Variants in MAGT1 observed in about 807,000 individuals in gnomAD.
MAGT1 encodes magnesium transporter 1.
MAGT1 carries 4 observed loss-of-function variants against 28.4 expected under a neutral mutation model. That is an observed-to-expected ratio of 0.14 (90% confidence interval 0.07 to 0.32). The LOEUF is 0.32. Ranked by LOEUF, MAGT1 falls within the 10% of genes least tolerant of loss-of-function variation. The probability of loss-of-function intolerance (pLI) is 1.00; values close to 1 mark genes in which losing one functional copy is unlikely to be tolerated. For synonymous variants in MAGT1, 89 were observed against 89.7 expected, an observed-to-expected ratio of 0.99 and a Z score of 0.04; for missense variants, 193 against 264.5, an observed-to-expected ratio of 0.73 and a Z score of 1.88.
rs1388331839 is a variant in MAGT1, at chrX:77,875,280, A to T, written c.272+148T>A. 5 of 525,639 alleles carry T rather than the reference A, an allele frequency of 9.5e-6. No homozygotes were observed. In the African/African-American group the frequency reaches 1.2e-4, roughly 12 times the overall value. 43.3% of individuals were successfully genotyped at this position (525,639 alleles called of 1,213,427 possible). A position where few individuals can be genotyped will look rare whatever the true frequency, so the allele number is the denominator to read the frequency against. On this transcript the variant is annotated intron_variant, in intron 2 of 9. Transcript: ENST00000618282. The stretch of plus-strand genomic sequence containing the variant: ...ACGGATAATCAAGAATTGACTATAA[A>T]AGAGCAGTAGTATTGCTACCATAGA...
At chrX:77,847,908 G>A (rs984387475) in intron 7 of MAGT1, among the ~76,000 whole-genome samples, 1 of 111,160 alleles carries the variant, frequency 9.0e-6, no homozygotes, top group Non-Finnish European at 1.9e-5. Flanking sequence ...CACCATGCCC[G>A]GCCAAAGATT....
intron 3 of MAGT1, among the ~76,000 whole-genome samples, chrX:77,863,937 T>C (rs1474560894): frequency 9.0e-6 from 1 of 110,881 alleles, no homozygotes; most frequent in Non-Finnish European, 1.9e-5. Context: ...GGCAGGAGAA[T>C]GGCTTGAACC....
rs188963921 is a variant in MAGT1, at chrX:77,889,048, C to T, written c.102+6261G>A. On this transcript the variant is annotated intron_variant, in intron 1 of 9. Transcript: ENST00000618282. ...TGGAGTGCAATGGTACATCTTGGCTCACTGCAGCCTGTACCTCCCAGGCTC... is the reference window on the plus strand; with the variant it reads ...TGGAGTGCAATGGTACATCTTGGCTTACTGCAGCCTGTACCTCCCAGGCTC... Among the ~76,000 whole-genome samples, 28 of 108,191 alleles carry T rather than the reference C, an allele frequency of 2.6e-4. No homozygotes were observed. In the Admixed American group the frequency reaches 2.8e-3, roughly 11 times the overall value. The allele number at this position is 108,191 out of a possible 115,157, so 94.0% of individuals were successfully genotyped here.
chrX:77,876,132 TTATATA>T (rs1222026237), intron 1 of MAGT1, among the ~76,000 whole-genome samples: 15 of 34,073 alleles, frequency 4.4e-4, no homozygotes, highest in African/African-American at 1.7e-3. Context: ...CACCTGGCCT[TTATATA>T]TATATATATA....
chrX:77,832,727 G>A (rs2076902086), intron 8 of MAGT1, among the ~76,000 whole-genome samples: 1 of 106,440 alleles, frequency 9.4e-6, no homozygotes, highest in South Asian at 4.2e-4. Flanking sequence ...CAGCTACTCG[G>A]GAGGCTGAGG....
rs1247933040 is a variant in MAGT1 at position 77,878,662 on chromosome X, G to C, written c.103-3065C>G. Among the ~76,000 whole-genome samples, 12 of 105,728 alleles carry C rather than the reference G, an allele frequency of 1.1e-4. No individual in the cohort carries two copies. In the East Asian group the frequency reaches 3.3e-3, roughly 29 times the overall value. The allele number at this position is 105,728 out of a possible 115,157, so 91.8% of individuals were successfully genotyped here. A position where few individuals can be genotyped will look rare whatever the true frequency, so the allele number is the denominator to read the frequency against. ...AAATTAGCTGGGTGTGTTGGCGGGT[G>C]CCTGTAATCCCAGCTACTCAGGAGG... On this transcript the variant is annotated intron_variant, in intron 1 of 9. Transcript: ENST00000618282.
chrX:77,886,762 C>T (rs2077069232), intron 1 of MAGT1, among the ~76,000 whole-genome samples: 1 of 111,912 alleles, frequency 8.9e-6, no homozygotes, highest in South Asian at 3.6e-4. Context: ...TAACATGTTA[C>T]ACATGTGATT....
At chrX:77,891,148 T>C (rs2077081126) in intron 1 of MAGT1, among the ~76,000 whole-genome samples, 1 of 110,812 alleles carries the variant, frequency 9.0e-6, no homozygotes, top group African/African-American at 3.3e-5. Context: ...GGGGAAAGGA[T>C]TCACCATAAA....
At chrX:77,881,806 T>C (rs1186031079) in intron 1 of MAGT1, among the ~76,000 whole-genome samples, 1 of 111,069 alleles carries the variant, frequency 9.0e-6, no homozygotes, top group Non-Finnish European at 1.9e-5. Flanking sequence ...GGTCAAATGG[T>C]ATTTCTAGTT....
intron 3 of MAGT1, among the ~76,000 whole-genome samples, chrX:77,869,820 C>T (rs1294765889): frequency 9.0e-6 from 1 of 111,053 alleles, no homozygotes; most frequent in Non-Finnish European, 1.9e-5. Context: ...ACTAGTACAA[C>T]CACTATGGAA....
chrX:77,878,116 T>C (rs1328505889), intron 1 of MAGT1, among the ~76,000 whole-genome samples: 2 of 96,778 alleles, frequency 2.1e-5, no homozygotes, highest in Non-Finnish European at 4.0e-5. Context: ...ACCACATCTC[T>C]ACTAAAAAAA....
At chrX:77,829,281 T>C (rs1557213173) in intron 9 of MAGT1, 46 bp from the exon 10 acceptor site, 4 of 1,067,768 alleles carry the variant, frequency 3.7e-6, no homozygotes, top group Admixed American at 2.2e-5. Context: ...GAAAGAAAAG[T>C]AGGATTTACT....
At chrX:77,855,269 C>T (rs1041008266) in intron 6 of MAGT1, among the ~76,000 whole-genome samples, 9 of 110,174 alleles carry the variant, frequency 8.2e-5, no homozygotes, top group Non-Finnish European at 1.5e-4. Context: ...GCCGAGATCA[C>T]GCCATTGCAC....
intron 7 of MAGT1, among the ~76,000 whole-genome samples, chrX:77,852,070 T>G (rs2076970012): frequency 9.2e-6 from 1 of 108,592 alleles, no homozygotes; most frequent in Non-Finnish European, 1.9e-5. Flanking sequence ...AGCTAATTTT[T>G]TTTTGTATTT....
At chrX:77,876,078 G>T (rs782681592) in intron 1 of MAGT1, among the ~76,000 whole-genome samples, 3 of 94,446 alleles carry the variant, frequency 3.2e-5, no homozygotes, top group African/African-American at 1.2e-4. Flanking sequence ...CAATCTGCCC[G>T]CCTCAGCTAC....
upstream of MAGT1, chrX:77,895,548 C>T (rs2077097345): frequency 1.8e-6 from 2 of 1,094,898 alleles, no homozygotes; most frequent in African/African-American, 3.6e-5. Flanking sequence ...CACATTACGT[C>T]ACAGCGCGCT....
At chrX:77,889,218 C>A (rs954986390) in intron 1 of MAGT1, among the ~76,000 whole-genome samples, 5 of 101,474 alleles carry the variant, frequency 4.9e-5, no homozygotes. Flanking sequence ...TAGGCTCAAG[C>A]AATCTGCCCA....
chrX:77,869,324 T>C (rs1220288473), intron 3 of MAGT1, among the ~76,000 whole-genome samples: 1 of 111,612 alleles, frequency 9.0e-6, no homozygotes, highest in Non-Finnish European at 1.9e-5. Flanking sequence ...TGAAAAACTC[T>C]TCCAGACATT....
intron 7 of MAGT1, among the ~76,000 whole-genome samples, chrX:77,845,133 T>A (rs1386734106): frequency 8.9e-6 from 1 of 111,780 alleles, no homozygotes; most frequent in African/African-American, 3.2e-5. Context: ...TGCTCCTGTA[T>A]TGGGTGCATA....
Sources: allele counts gnomAD v4.1 joint callset (sites outside exome capture counted in the v4.1 genomes callset), GRCh38; gene constraint gnomAD v4.1.1; transcripts MANE v1.5; gene names NCBI Gene and HGNC (gene_info 2026-07-23, HGNC 2026-07-21).